PLCB1: variants seen among roughly 807,000 people sequenced by gnomAD.
PLCB1 encodes the protein 1-phosphatidylinositol 4,5-bisphosphate phosphodiesterase beta-1.
Under a neutral mutation model 161.8 loss-of-function variants are expected in PLCB1, and 46 were observed. The observed-to-expected ratio is 0.28, with a 90% CI of 0.22 to 0.36. The LOEUF (loss-of-function observed/expected upper bound fraction) is 0.36. PLCB1 is among the 10% of genes least tolerant of loss of function. The probability of loss-of-function intolerance (pLI) is 1.00; values close to 1 mark genes in which losing one functional copy is unlikely to be tolerated. For synonymous variants in PLCB1, 517 were observed against 503.7 expected (o/e 1.03, Z -0.35); for missense variants, 1,016 against 1,472.5 (o/e 0.69, Z 5.07).
intron 2 of PLCB1, among the ~76,000 whole-genome samples, chr20:8,368,353 TGCCG>T (rs1568649115): frequency 6.6e-6 from 1 of 151,534 alleles, no homozygotes; most frequent in Non-Finnish European, 1.5e-5. Context: ...CATAGCAAAA[TGCCG>T]TATGTACTAA....
At chr20:8,790,325 C>A in intron 31 of PLCB1, 64 bp downstream of exon 31, 1 of 1,268,386 alleles carries the variant, frequency 7.9e-7, no homozygotes, top group Non-Finnish European at 1.1e-6. Flanking sequence ...AAGAGTAAAA[C>A]CTTCCTGGTT....
intron 2 of PLCB1, among the ~76,000 whole-genome samples, chr20:8,202,665 C>A (rs1248470950): frequency 6.6e-6 from 1 of 152,110 alleles, no homozygotes; most frequent in African/African-American, 2.4e-5. Flanking sequence ...GTTGAGAGTA[C>A]AGTGTGTGCC....
intron 2 of PLCB1, among the ~76,000 whole-genome samples, chr20:8,351,152 A>G (rs190863929): frequency 2.9e-3 from 446 of 152,272 alleles, no homozygotes; most frequent in African/African-American, 0.01. Flanking sequence ...AGATACATAG[A>G]TCAATGGAAA....
At chr20:8,645,058 C>G (rs1252241790) in intron 4 of PLCB1, among the ~76,000 whole-genome samples, 1 of 152,124 alleles carries the variant, frequency 6.6e-6, no homozygotes, top group Non-Finnish European at 1.5e-5. Flanking sequence ...TGTGTCCACT[C>G]AGGGTTAAAT....
intron 2 of PLCB1, among the ~76,000 whole-genome samples, chr20:8,155,229 G>A (rs1188253274): frequency 2.0e-5 from 3 of 151,870 alleles, no homozygotes; most frequent in Admixed American, 1.3e-4. Context: ...AATTCTTTTT[G>A]TTTACCCGTG....
intron 31 of PLCB1, among the ~76,000 whole-genome samples, chr20:8,833,245 A>C (rs985188742): frequency 2.0e-5 from 3 of 152,240 alleles, no homozygotes; most frequent in Admixed American, 1.3e-4. Flanking sequence ...GAGGTCTCAC[A>C]ATCATGGCGG....
rs73088239 is a variant in PLCB1, at chr20:8,387,647, C to T, written c.246+16197C>T. Among the ~76,000 whole-genome samples the T allele has an allele frequency of 8.9e-3, 1,362 of 152,256 alleles. 15 individuals carry two copies. Among genetic ancestry groups the T allele is most frequent in the South Asian group, 0.017 (80 of 4,828 alleles). ...AGACTTGCTGGACTCAGGAATGCCA[C>T]AAACCTTCAATTTGTAAAAACAAAC... is the stretch of plus-strand genomic sequence containing the variant. On this transcript the variant is annotated intron_variant, in intron 3 of 31. Transcript: ENST00000338037.
chr20:8,349,004 G>A (rs1333689381), intron 2 of PLCB1, among the ~76,000 whole-genome samples: 2 of 151,768 alleles, frequency 1.3e-5, no homozygotes, highest in South Asian at 2.1e-4. Flanking sequence ...ATATATATAT[G>A]TATGTATATA....
At chr20:8,807,292 G>A (rs896674660) in intron 31 of PLCB1, among the ~76,000 whole-genome samples, 3 of 152,036 alleles carry the variant, frequency 2.0e-5, no homozygotes, top group African/African-American at 7.2e-5. Context: ...ATAGAACGAT[G>A]GTGCAGAGAT....
chr20:8,409,101 A>G (rs983052643), intron 3 of PLCB1, among the ~76,000 whole-genome samples: 1 of 152,170 alleles, frequency 6.6e-6, no homozygotes, highest in African/African-American at 2.4e-5. Context: ...TTCACTTACC[A>G]TGTGTTCCCA....
At chr20:8,695,157 G>C (rs1452956641) in intron 10 of PLCB1, among the ~76,000 whole-genome samples, 3 of 152,116 alleles carry the variant, frequency 2.0e-5, no homozygotes, top group Admixed American at 6.5e-5. Flanking sequence ...TTCCAGTAGA[G>C]AAAAGTTATT....
intron 4 of PLCB1, among the ~76,000 whole-genome samples, chr20:8,632,046 T>C (rs76530062): frequency 9.7e-6 from 1 of 102,580 alleles, no homozygotes; most frequent in Non-Finnish European, 2.1e-5. Context: ...TTTTTTTTTT[T>C]TTTTTTTTTT....
At chr20:8,537,666 C>T (rs1985109149) in intron 3 of PLCB1, among the ~76,000 whole-genome samples, 1 of 152,062 alleles carries the variant, frequency 6.6e-6, no homozygotes, top group Non-Finnish European at 1.5e-5. Context: ...TGACAATCAG[C>T]TATAGAGTGT....
chr20:8,252,071 C>T (rs1378261692), intron 2 of PLCB1, among the ~76,000 whole-genome samples: 1 of 151,752 alleles, frequency 6.6e-6, no homozygotes. Flanking sequence ...GGAAGTAAGA[C>T]GTATGAGTGA....
chr20:8,590,260 T>G (rs1347248182), intron 3 of PLCB1, among the ~76,000 whole-genome samples: 3 of 152,172 alleles, frequency 2.0e-5, no homozygotes, highest in Non-Finnish European at 4.4e-5. Flanking sequence ...AATGTACCTA[T>G]GACAAATTCG....
At chr20:8,863,301 G>A in intron 31 of PLCB1, among the ~76,000 whole-genome samples, 1 of 152,156 alleles carries the variant, frequency 6.6e-6, no homozygotes, top group East Asian at 1.9e-4. Context: ...CAATAATCAA[G>A]TATGTTTGGG....
At chr20:8,193,647 T>A (rs972657982) in intron 2 of PLCB1, among the ~76,000 whole-genome samples, 7 of 151,990 alleles carry the variant, frequency 4.6e-5, no homozygotes, top group African/African-American at 1.7e-4. Context: ...ACTTCATAAT[T>A]TCTGAGCTGT....
chr20:8,844,019 T>C (rs745786235), intron 31 of PLCB1, among the ~76,000 whole-genome samples: 4 of 152,270 alleles, frequency 2.6e-5, no homozygotes, highest in Admixed American at 2.6e-4. Flanking sequence ...AAGTGCCTGC[T>C]AATTACAATG....
chr20:8,544,835 T>G (rs769553255), intron 3 of PLCB1, among the ~76,000 whole-genome samples: 3 of 152,088 alleles, frequency 2.0e-5, no homozygotes, highest in Non-Finnish European at 4.4e-5. Context: ...TTCTTCTCAA[T>G]AAAACACAAA....
Sources: gnomAD v4.1 joint callset for allele counts (sites outside exome capture counted in the v4.1 genomes callset) on GRCh38, gnomAD v4.1.1 for gene constraint, MANE v1.5 for transcripts, NCBI Gene and HGNC (gene_info 2026-07-23, HGNC 2026-07-21) for gene names.